HNF4G: variants seen among roughly 807,000 people sequenced by gnomAD.
HNF4G encodes hepatocyte nuclear factor 4-gamma.
In HNF4G, 21 loss-of-function variants were observed where a neutral mutation model predicts 50.9. That is an observed-to-expected ratio of 0.41 (90% CI 0.29 to 0.59). The LOEUF (loss-of-function observed/expected upper bound fraction) is 0.59. Among genes scored for constraint, HNF4G ranks in the 20% least tolerant of loss-of-function variants. The pLI is 0.26. For missense variants in HNF4G, 527 were observed against 559.4 expected, an observed-to-expected ratio of 0.94 and a Z score of 0.58; for synonymous variants, 198 against 185.6, an observed-to-expected ratio of 1.07 and a Z score of -0.54.
At chr8:75,531,041 G>A (rs184663844) in intron 2 of HNF4G, among the ~76,000 whole-genome samples, 27 of 152,118 alleles carry the variant, frequency 1.8e-4, no homozygotes, top group African/African-American at 6.0e-4. Context: ...TGATCCATCC[G>A]CCTTGGCCTC....
rs1217960291 is a variant in HNF4G at position 75,441,634 on chromosome 8, G to GT, written c.-144+33473dup. On this transcript the variant is annotated intron_variant, in intron 1 of 10. Transcript: ENST00000354370. Reference sequence around the variant, plus strand: ...CTTGATAACTGTTTTTTGTCATACCGTGAGTTCAACATTATCAAACTAGCG... The same window carrying GT: ...CTTGATAACTGTTTTTTGTCATACCGTTGAGTTCAACATTATCAAACTAGCG... 4.3e-4 allele frequency among the ~76,000 whole-genome samples: 65 copies of GT among 152,200 alleles called. 1 individual carries two copies. The highest frequency in any genetic ancestry group is 1.4e-3 in the African/African-American group (60 of 41,530).
chr8:75,521,405 T>C (rs1300344757), intron 2 of HNF4G, among the ~76,000 whole-genome samples: 1 of 152,234 alleles, frequency 6.6e-6, no homozygotes, highest in East Asian at 1.9e-4. Flanking sequence ...AGATAGTATG[T>C]ATAAAAATCT....
At chr8:75,416,268 C>CT (rs2130474808) in intron 1 of HNF4G, among the ~76,000 whole-genome samples, 1 of 152,234 alleles carries the variant, frequency 6.6e-6, no homozygotes, top group African/African-American at 2.4e-5. Context: ...TCTGCCCTGA[C>CT]TTTTTTCTGC....
At chr8:75,547,310 T>C (rs1198575588) in intron 2 of HNF4G, among the ~76,000 whole-genome samples, 1 of 152,192 alleles carries the variant, frequency 6.6e-6, no homozygotes, top group Non-Finnish European at 1.5e-5. Context: ...AAAACTAGGT[T>C]TGGCTTTCAT....
At chr8:75,537,992 G>A (rs1041185752), upstream of HNF4G, among the ~76,000 whole-genome samples, 7 of 152,146 alleles carry the variant, frequency 4.6e-5, no homozygotes, top group African/African-American at 1.7e-4. Context: ...CTCCTTCAGA[G>A]AAAAGCTAAA....
intron 1 of HNF4G, among the ~76,000 whole-genome samples, chr8:75,428,985 C>T (rs145409976): frequency 2.9e-4 from 44 of 152,108 alleles, no homozygotes; most frequent in African/African-American, 9.6e-4. Context: ...GATAGCTTAA[C>T]GGAAGTTACT....
At chr8:75,456,456 A>G (rs1811726221) in intron 1 of HNF4G, among the ~76,000 whole-genome samples, 1 of 152,180 alleles carries the variant, frequency 6.6e-6, no homozygotes, top group Admixed American at 6.5e-5. Context: ...TCCTCTGAAG[A>G]GTATAACTTT....
chr8:75,512,539 A>C (rs1399157131), intron 2 of HNF4G, among the ~76,000 whole-genome samples: 5 of 151,726 alleles, frequency 3.3e-5, no homozygotes, highest in Admixed American at 6.6e-5. Context: ...ATCTCAGCTC[A>C]CTGCAAGCTC....
chr8:75,543,336 C>T (rs1275872851), intron 1 of HNF4G, among the ~76,000 whole-genome samples: 2 of 152,120 alleles, frequency 1.3e-5, no homozygotes, highest in Non-Finnish European at 1.5e-5. Context: ...TGGATGGATC[C>T]ATTGACTGAT....
intron 2 of HNF4G, among the ~76,000 whole-genome samples, chr8:75,546,603 A>G (rs570568870): frequency 6.6e-6 from 1 of 152,284 alleles, no homozygotes; most frequent in African/African-American, 2.4e-5. Context: ...TTGTATAAAC[A>G]AAATCATACG....
At chr8:75,482,093 G>A (rs2130659616) in intron 1 of HNF4G, among the ~76,000 whole-genome samples, 1 of 152,274 alleles carries the variant, frequency 6.6e-6, no homozygotes, top group South Asian at 2.1e-4. Flanking sequence ...ATCAAGTTGT[G>A]AAGTGGATCA....
intron 1 of HNF4G, among the ~76,000 whole-genome samples, chr8:75,409,504 T>TC (rs1206178350): frequency 3.4e-5 from 4 of 118,346 alleles, no homozygotes; most frequent in East Asian, 2.4e-4. Context: ...TTTTTTTTTT[T>TC]CCGAGATGAA....
chr8:75,441,591 G>A (rs1811288596), intron 1 of HNF4G, among the ~76,000 whole-genome samples: 1 of 152,088 alleles, frequency 6.6e-6, no homozygotes, highest in South Asian at 2.1e-4. Flanking sequence ...TTAACTGTAG[G>A]CATAATTTAC....
At chr8:75,478,827 G>A (rs542675784) in intron 1 of HNF4G, among the ~76,000 whole-genome samples, 36 of 152,192 alleles carry the variant, frequency 2.4e-4, no homozygotes, top group African/African-American at 8.2e-4. Flanking sequence ...GAGTTCAAGC[G>A]ATTCTCCTGC....
At chr8:75,414,634 TG>T (rs1810587918) in intron 1 of HNF4G, among the ~76,000 whole-genome samples, 1 of 152,220 alleles carries the variant, frequency 6.6e-6, no homozygotes, top group Non-Finnish European at 1.5e-5. Flanking sequence ...TTTATATCCA[TG>T]GGGTCACGCA....
chr8:75,426,319 G>A (rs899734407), intron 1 of HNF4G, among the ~76,000 whole-genome samples: 19 of 152,086 alleles, frequency 1.2e-4, no homozygotes, highest in African/African-American at 4.3e-4. Flanking sequence ...TTTCTCCATT[G>A]CACTTCCTCT....
In HNF4G at chr8:75,558,679, T is replaced by C; in HGVS notation, c.886+9T>C. On this transcript the variant is annotated intron_variant, in intron 7 of 9. Coordinates refer to ENST00000396423, the MANE Select transcript of HNF4G (RefSeq NM_004133.5). ...TGTATTTTTTGATCCAGGTTGGTTT[T>C]CAAAATTCCACTAGAGAATTAATAT... The C allele has an allele frequency of 6.2e-7, 1 of 1,607,288 alleles. No individual in the cohort carries two copies. Among genetic ancestry groups the C allele is most frequent in the Non-Finnish European group, 8.5e-7 (1 of 1,176,966 alleles).
intron 1 of HNF4G, among the ~76,000 whole-genome samples, chr8:75,416,436 A>G (rs1284601958): frequency 6.6e-6 from 1 of 152,052 alleles, no homozygotes; most frequent in African/African-American, 2.4e-5. Flanking sequence ...GTGTTTTCAA[A>G]ATTTTCACCC....
At chr8:75,495,612 ACTGCAGC>A (rs1316316656) in intron 2 of HNF4G, 1 of 145,376 alleles carries the variant, frequency 6.9e-6, no homozygotes, top group Non-Finnish European at 1.5e-5. Flanking sequence ...ATCTTGGTTC[ACTGCAGC>A]CTCAACCTCC....
Sources: gnomAD v4.1 joint callset for allele counts (sites outside exome capture counted in the v4.1 genomes callset) on GRCh38, gnomAD v4.1.1 for gene constraint, MANE v1.5 for transcripts, NCBI Gene and HGNC (gene_info 2026-07-23, HGNC 2026-07-21) for gene names.